FBXL7: variants seen among roughly 807,000 people sequenced by gnomAD.
The protein encoded by FBXL7 is F-box and leucine rich repeat protein 7, also known as F-box/LRR-repeat protein 7.
A neutral mutation model predicts 38.3 loss-of-function variants in FBXL7; 12 were observed. The ratio of observed to expected loss-of-function variants is 0.31; its 90% CI spans 0.20 to 0.51. The LOEUF (loss-of-function observed/expected upper bound fraction) is 0.51. Among genes scored for constraint, FBXL7 ranks in the 20% least tolerant of loss-of-function variants. The probability of loss-of-function intolerance (pLI) is 0.98; values close to 1 mark genes in which losing one functional copy is unlikely to be tolerated. For missense variants in FBXL7, 567 were observed against 676.4 expected (o/e 0.84, Z 1.79); for synonymous variants, 297 against 300.9 (o/e 0.99, Z 0.13).
intron 1 of FBXL7, among the ~76,000 whole-genome samples, chr5:15,521,762 T>C (rs1737101540): frequency 6.6e-6 from 1 of 152,168 alleles, no homozygotes; most frequent in Non-Finnish European, 1.5e-5. Flanking sequence ...ACTCTCAAAT[T>C]CCCTTGAAAG....
At chr5:15,810,057 C>A (rs1367690941) in intron 2 of FBXL7, among the ~76,000 whole-genome samples, 1 of 152,140 alleles carries the variant, frequency 6.6e-6, no homozygotes. Flanking sequence ...GTATTCATTT[C>A]TTTAAACTTT....
intron 2 of FBXL7, among the ~76,000 whole-genome samples, chr5:15,904,137 C>CTACT (rs939249138): frequency 3.4e-4 from 52 of 152,248 alleles, no homozygotes; most frequent in African/African-American, 1.2e-3. Context: ...AGTCATAAGA[C>CTACT]TACTGCAAGC....
intron 2 of FBXL7, among the ~76,000 whole-genome samples, chr5:15,637,843 G>A (rs1044198927): frequency 6.6e-6 from 1 of 152,184 alleles, no homozygotes; most frequent in Non-Finnish European, 1.5e-5. Context: ...CAGCAAAAGC[G>A]ATGTCATATT....
At chr5:15,531,424 G>C (rs1450642651) in intron 1 of FBXL7, among the ~76,000 whole-genome samples, 1 of 152,146 alleles carries the variant, frequency 6.6e-6, no homozygotes, top group African/African-American at 2.4e-5. Flanking sequence ...ATGATATAGA[G>C]ACTTTATATT....
chr5:15,560,623 A>G (rs1738382734), intron 1 of FBXL7, among the ~76,000 whole-genome samples: 1 of 152,188 alleles, frequency 6.6e-6, no homozygotes, highest in Non-Finnish European at 1.5e-5. Flanking sequence ...CATGTCAGGT[A>G]TGAGCAATAA....
intron 2 of FBXL7, among the ~76,000 whole-genome samples, chr5:15,713,311 A>G (rs182024020): frequency 5.3e-5 from 8 of 152,072 alleles, no homozygotes; most frequent in Admixed American, 5.2e-4. Context: ...TGGGGAAACC[A>G]CTCCCATGAT....
chr5:15,503,962 G>A (rs1210341843), intron 1 of FBXL7, among the ~76,000 whole-genome samples: 1 of 152,194 alleles, frequency 6.6e-6, no homozygotes, highest in African/African-American at 2.4e-5. Flanking sequence ...ATTAAAAACA[G>A]TTATTCACGA....
At chr5:15,906,622 T>C (rs1301112512) in intron 2 of FBXL7, among the ~76,000 whole-genome samples, 3 of 133,186 alleles carry the variant, frequency 2.3e-5, no homozygotes, top group Non-Finnish European at 3.2e-5. Context: ...CCCACTAATG[T>C]GTCATCTAGC....
At chr5:15,892,306 G>A (rs1225908828) in intron 2 of FBXL7, among the ~76,000 whole-genome samples, 1 of 152,226 alleles carries the variant, frequency 6.6e-6, no homozygotes, top group East Asian at 1.9e-4. Flanking sequence ...ACACACGGTA[G>A]GGGCAGATGA....
intron 2 of FBXL7, among the ~76,000 whole-genome samples, chr5:15,772,905 T>G (rs1458965707): frequency 6.6e-6 from 1 of 152,142 alleles, no homozygotes; most frequent in Non-Finnish European, 1.5e-5. Context: ...GACTTTGTTT[T>G]TTTTTTTGAG....
intron 2 of FBXL7, among the ~76,000 whole-genome samples, chr5:15,768,254 G>GGGCAC (rs1159488075): frequency 5.5e-4 from 84 of 152,264 alleles, no homozygotes; most frequent in African/African-American, 2.0e-3. Flanking sequence ...ATTGCTGGCT[G>GGGCAC]GGCACGGTGA....
intron 1 of FBXL7, among the ~76,000 whole-genome samples, chr5:15,509,923 A>G (rs1736747747): frequency 6.6e-6 from 1 of 152,234 alleles, no homozygotes; most frequent in Admixed American, 6.5e-5. Flanking sequence ...AGAGAGGGAC[A>G]GCTTTAAAAC....
chr5:15,578,652 C>G (rs973187273), intron 1 of FBXL7, among the ~76,000 whole-genome samples: 50 of 152,148 alleles, frequency 3.3e-4, no homozygotes, highest in Admixed American at 3.1e-3. Flanking sequence ...GGATCCAAAA[C>G]ACTTTCATAA....
intron 2 of FBXL7, among the ~76,000 whole-genome samples, chr5:15,709,564 C>T (rs1259198517): frequency 1.3e-5 from 2 of 151,180 alleles, no homozygotes; most frequent in East Asian, 3.9e-4. Context: ...AAAGCAAATC[C>T]TGTTTGCCCA....
intron 2 of FBXL7, among the ~76,000 whole-genome samples, chr5:15,716,492 G>A (rs1217256036): frequency 2.0e-5 from 3 of 152,062 alleles, no homozygotes; most frequent in African/African-American, 4.8e-5. Context: ...TGGTCCTCCT[G>A]GCCTATTAAG....
intron 2 of FBXL7, among the ~76,000 whole-genome samples, chr5:15,692,727 G>A (rs929723976): frequency 6.6e-6 from 1 of 152,256 alleles, no homozygotes; most frequent in Non-Finnish European, 1.5e-5. Flanking sequence ...GTTGTTATTC[G>A]TACATAGGGC....
chr5:15,533,559 T>C (rs995584151), intron 1 of FBXL7, among the ~76,000 whole-genome samples: 1 of 152,190 alleles, frequency 6.6e-6, no homozygotes, highest in Non-Finnish European at 1.5e-5. Flanking sequence ...TCAATGCCTG[T>C]TATCCTGAAG....
intron 2 of FBXL7, among the ~76,000 whole-genome samples, chr5:15,747,480 G>A (rs1202764202): frequency 6.6e-6 from 1 of 152,122 alleles, no homozygotes; most frequent in African/African-American, 2.4e-5. Context: ...GATGCTGTAG[G>A]GGGTCAACCT....
chr5:15,530,204 T>C (rs1737379330), intron 1 of FBXL7, among the ~76,000 whole-genome samples: 1 of 152,186 alleles, frequency 6.6e-6, no homozygotes, highest in Non-Finnish European at 1.5e-5. Flanking sequence ...GTGAGAAAAA[T>C]GAACTTGTTT....
Sources: allele counts gnomAD v4.1 joint callset (sites outside exome capture counted in the v4.1 genomes callset), GRCh38; gene constraint gnomAD v4.1.1; transcripts MANE v1.5; gene names NCBI Gene and HGNC (gene_info 2026-07-23, HGNC 2026-07-21).